LRP1B: variants seen among roughly 807,000 people sequenced by gnomAD.
LRP1B encodes low-density lipoprotein receptor-related protein 1B.
A neutral mutation model predicts 556.6 loss-of-function variants in LRP1B; 217 were observed. The observed-to-expected ratio is 0.39, with a 90% CI of 0.35 to 0.44. LRP1B has a LOEUF of 0.44. Ranked by LOEUF, LRP1B falls within the 20% of genes least tolerant of loss-of-function variation. The pLI, the probability that LRP1B is intolerant of heterozygous loss-of-function variation, is 1.00. For missense variants in LRP1B, 5,053 were observed against 5,620.8 expected (o/e 0.90, Z 3.23); for synonymous variants, 2,047 against 1,865.8 (o/e 1.10, Z -2.50).
Position 140,586,305 on chromosome 2 carries a change from G to A in LRP1B, c.7194+12326C>T, listed in dbSNP as rs191939858. Among the ~76,000 whole-genome samples the A allele has an allele frequency of 7.2e-4, 109 of 152,214 alleles. 1 individual carries two copies. Among genetic ancestry groups the A allele is most frequent in the Admixed American group, 7.1e-3 (108 of 15,294 alleles). On this transcript the variant is annotated intron_variant, in intron 43 of 90. Transcript: ENST00000389484. ...TCTCAGACTCAAATCGTATAAGCTG[G>A]CAACCCAGAAATGGCAACATACACA...
At chr2:142,076,146 C>A (rs1186567271) in intron 1 of LRP1B, among the ~76,000 whole-genome samples, 1 of 152,054 alleles carries the variant, frequency 6.6e-6, no homozygotes, top group African/African-American at 2.4e-5. Context: ...TGACATCTGA[C>A]AAACCATTTT....
chr2:141,797,212 A>G (rs1342423329), intron 2 of LRP1B, among the ~76,000 whole-genome samples: 2 of 138,470 alleles, frequency 1.4e-5, no homozygotes, highest in Non-Finnish European at 3.1e-5. Flanking sequence ...CAGGGAATTC[A>G]AGTGCTCTGC....
chr2:141,898,507 T>C (rs958571492), intron 1 of LRP1B, among the ~76,000 whole-genome samples: 7 of 152,136 alleles, frequency 4.6e-5, no homozygotes, highest in Non-Finnish European at 7.4e-5. Context: ...ATCTGACACA[T>C]TGTTAATTGT....
chr2:140,798,881 C>T (rs531194436), intron 32 of LRP1B, among the ~76,000 whole-genome samples: 2 of 152,190 alleles, frequency 1.3e-5, no homozygotes, highest in Admixed American at 1.3e-4. Flanking sequence ...TGACCGTGAT[C>T]AATCCAGTTT....
chr2:141,533,273 G>A lies in LRP1B; in HGVS notation c.206-52740C>T, dbSNP rs962984367. Reference sequence around the variant, plus strand: ...TGGAAGGTGTTGATAATTCATTAGCGTATGAAATGAATTCATTAGTTCAAT... The same window carrying A: ...TGGAAGGTGTTGATAATTCATTAGCATATGAAATGAATTCATTAGTTCAAT... On this transcript the variant is annotated intron_variant, in intron 2 of 90. Transcript: ENST00000389484. 1.6e-4 allele frequency among the ~76,000 whole-genome samples: 24 copies of A among 152,242 alleles called. 1 individual carries two copies. The highest frequency in any genetic ancestry group is 9.8e-4 in the Admixed American group (15 of 15,300).
chr2:140,442,595 G>T lies in LRP1B; in HGVS notation c.10323C>A (p.Phe3441Leu), dbSNP rs1412044677. The T allele has an allele frequency of 6.2e-7, 1 of 1,613,764 alleles. No homozygotes were observed. The highest frequency in any genetic ancestry group is 8.5e-7 in the Non-Finnish European group (1 of 1,179,776). The change falls in exon 66 of 91, where the codon TTC becomes TTA. Residue 3441 changes from phenylalanine to leucine, a missense_variant. Phe to Leu is a conservative substitution (Grantham distance 22, BLOSUM62 0). Coordinates refer to ENST00000389484, the MANE Select transcript of LRP1B (RefSeq NM_018557.3). ...TGCAATGCTTCGTAGTCTTACACTGGAAATAGTCTGGAGAACAGCTGTTTT... is the reference window on the plus strand; with the variant it reads ...TGCAATGCTTCGTAGTCTTACACTGTAAATAGTCTGGAGAACAGCTGTTTT... The part of the protein sequence containing the change: ...CPENSCSPDY[F>L]QCKTTKHCIS...
At chr2:141,366,819 G>A (rs954399963) in intron 3 of LRP1B, among the ~76,000 whole-genome samples, 1 of 152,174 alleles carries the variant, frequency 6.6e-6, no homozygotes, top group African/African-American at 2.4e-5. Context: ...AGTTCACTAG[G>A]TGAAAACGCT....
At chr2:140,874,645 T>C (rs1422287447) in intron 25 of LRP1B, among the ~76,000 whole-genome samples, 2 of 152,056 alleles carry the variant, frequency 1.3e-5, no homozygotes, top group Non-Finnish European at 2.9e-5. Context: ...AAATTAAGGT[T>C]ACTACATCCG....
intron 2 of LRP1B, among the ~76,000 whole-genome samples, chr2:141,581,248 G>A (rs972294142): frequency 9.9e-5 from 15 of 152,092 alleles, no homozygotes; most frequent in African/African-American, 3.4e-4. Context: ...TGCTTATTAG[G>A]ATAATCTCCA....
intron 59 of LRP1B, among the ~76,000 whole-genome samples, chr2:140,479,958 G>C (rs76319934): frequency 6.6e-6 from 1 of 152,092 alleles, no homozygotes; most frequent in Non-Finnish European, 1.5e-5. Flanking sequence ...TTTGTGCATA[G>C]GTGCAGGCAC....
intron 7 of LRP1B, among the ~76,000 whole-genome samples, chr2:141,118,472 T>C (rs1421156626): frequency 6.6e-6 from 1 of 151,982 alleles, no homozygotes; most frequent in African/African-American, 2.4e-5. Context: ...AGAGCTGACT[T>C]TTTTGTAAAC....
At position 140,851,767 on chromosome 2, in the gene LRP1B, T is replaced by C. The variant is rs370620273; in HGVS notation, c.4596A>G (p.Ala1532=). 3.7e-6 allele frequency: 6 copies of C among 1,604,600 alleles called. No individual in the cohort carries two copies. In the African/African-American group the frequency reaches 8.1e-5, roughly 22 times the overall value. Residue 1532 remains alanine (A), a synonymous_variant, in exon 28 of 91, where the codon GCA becomes GCG. Coordinates refer to ENST00000389484, the MANE Select transcript of LRP1B (RefSeq NM_018557.3). ...AGCAGGGGCCTTTGCCATCATTAGCTGCACAAGGATTGGGAGCTGTAATTA... is the reference window on the plus strand; with the variant it reads ...AGCAGGGGCCTTTGCCATCATTAGCCGCACAAGGATTGGGAGCTGTAATTA... ...SRQPQAPNPC[A]ANDGKGPCSH...
intron 41 of LRP1B, among the ~76,000 whole-genome samples, chr2:140,656,163 C>T (rs907220038): frequency 5.9e-5 from 9 of 152,074 alleles, no homozygotes; most frequent in Non-Finnish European, 1.2e-4. Flanking sequence ...TCATAATTAT[C>T]CTCAGCATTG....
At chr2:140,920,345 G>T (rs992009411) in intron 21 of LRP1B, among the ~76,000 whole-genome samples, 1 of 151,982 alleles carries the variant, frequency 6.6e-6, no homozygotes, top group Non-Finnish European at 1.5e-5. Context: ...AACCTACTGT[G>T]CCTACGTTTT....
At chr2:140,683,655 C>A in intron 41 of LRP1B, 1 of 697,012 alleles carries the variant, frequency 1.4e-6, no homozygotes, top group Non-Finnish European at 2.7e-6. Flanking sequence ...GAGTCCTCCG[C>A]ATTTACAGCA....
At chr2:141,147,415 G>C (rs747620715) in intron 7 of LRP1B, among the ~76,000 whole-genome samples, 9 of 152,166 alleles carry the variant, frequency 5.9e-5, no homozygotes, top group African/African-American at 1.9e-4. Context: ...CAACAATAGA[G>C]TTGTAGGAAA....
chr2:140,396,509 C>A (rs10803583), intron 66 of LRP1B, among the ~76,000 whole-genome samples: 11,201 of 152,082 alleles, frequency 0.074, 678 homozygotes, highest in African/African-American at 0.17. Flanking sequence ...GATTTGAATC[C>A]TAGTTCTGGC....
chr2:141,782,648 G>A (rs1695295495), intron 2 of LRP1B, among the ~76,000 whole-genome samples: 3 of 150,472 alleles, frequency 2.0e-5, no homozygotes, highest in African/African-American at 7.3e-5. Context: ...TATAGGGTTT[G>A]TGTGAAACTC....
intron 21 of LRP1B, among the ~76,000 whole-genome samples, chr2:140,918,711 G>A (rs959614688): frequency 2.0e-5 from 3 of 152,038 alleles, no homozygotes; most frequent in Non-Finnish European, 2.9e-5. Context: ...CTAATCCCCA[G>A]TGTGATGGTA....
Sources: allele counts gnomAD v4.1 joint callset (sites outside exome capture counted in the v4.1 genomes callset), GRCh38; gene constraint gnomAD v4.1.1; transcripts MANE v1.5; gene names NCBI Gene and HGNC (gene_info 2026-07-23, HGNC 2026-07-21).